Variants in AMBRA1 observed in about 807,000 individuals in gnomAD.
AMBRA1 encodes the protein activating molecule in BECN1-regulated autophagy protein 1.
In AMBRA1, 47 loss-of-function variants were observed where a neutral mutation model predicts 125.4. The observed-to-expected ratio is 0.37, with a 90% CI of 0.30 to 0.48. The LOEUF (loss-of-function observed/expected upper bound fraction) is 0.48, where lower values mean the gene tolerates loss of function less well. AMBRA1 is among the 20% of genes least tolerant of loss of function. The pLI is 0.99. For missense variants in AMBRA1, 1,331 were observed against 1,693.4 expected (o/e 0.79, Z 3.76); for synonymous variants, 626 against 655.5 (o/e 0.95, Z 0.69).
chr11:46,581,083 C>T (rs1195351934), intron 1 of AMBRA1, among the ~76,000 whole-genome samples: 3 of 152,128 alleles, frequency 2.0e-5, no homozygotes, highest in East Asian at 1.9e-4. Flanking sequence ...CATGAGCCAC[C>T]GCGCCCGGCC....
In AMBRA1 at chr11:46,435,964, T is replaced by A. The variant is rs560476796; in HGVS notation, c.2633-927A>T. ...AAGTGGCTTACCCTTGATGTGAGCATAGAACAAGAGTGCCCACATCATGGG... is the reference window on the plus strand; with the variant it reads ...AAGTGGCTTACCCTTGATGTGAGCAAAGAACAAGAGTGCCCACATCATGGG... On this transcript the variant is annotated intron_variant, in intron 12 of 17. Coordinates refer to ENST00000683756, the MANE Select transcript of AMBRA1 (RefSeq NM_001387011.1). Among the ~76,000 whole-genome samples the A allele has an allele frequency of 2.0e-4, 31 of 152,300 alleles. No homozygotes were observed. In the South Asian group the frequency reaches 6.2e-3, roughly 31 times the overall value.
At chr11:46,423,115 G>C (rs11038894) in intron 14 of AMBRA1, among the ~76,000 whole-genome samples, 10,328 of 152,204 alleles carry the variant, frequency 0.068, 1,152 homozygotes, top group African/African-American at 0.24. Context: ...AGAGACAGCT[G>C]ACCTTTCCAT....
chr11:46,494,044 C>G (rs1950550675), intron 10 of AMBRA1, 80 bp downstream of exon 10: 4 of 1,378,866 alleles, frequency 2.9e-6, no homozygotes, highest in South Asian at 2.5e-5. Context: ...GTGGACAATT[C>G]AAAGACCAGA....
chr11:46,423,304 T>C (rs1284338177), intron 14 of AMBRA1, among the ~76,000 whole-genome samples: 2 of 152,228 alleles, frequency 1.3e-5, no homozygotes, highest in Non-Finnish European at 2.9e-5. Flanking sequence ...AAAACTTTAA[T>C]TTCTTTTACT....
chr11:46,545,099 C>G (rs1952939220), intron 5 of AMBRA1, among the ~76,000 whole-genome samples: 1 of 129,978 alleles, frequency 7.7e-6, no homozygotes, highest in African/African-American at 3.0e-5. Context: ...CATGACTGCA[C>G]AACTGTACTC....
At chr11:46,423,754 C>T (rs535662322) in intron 14 of AMBRA1, among the ~76,000 whole-genome samples, 3 of 147,204 alleles carry the variant, frequency 2.0e-5, no homozygotes, top group Admixed American at 1.4e-4. Flanking sequence ...AGGCAGTGCA[C>T]CCATTTTTTT....
At chr11:46,577,998 G>T (rs1591174924) in intron 1 of AMBRA1, among the ~76,000 whole-genome samples, 1 of 152,096 alleles carries the variant, frequency 6.6e-6, no homozygotes, top group East Asian at 1.9e-4. Context: ...GAGTGTGGTG[G>T]TTTGTACCTG....
At chr11:46,552,055 C>T in intron 1 of AMBRA1, among the ~76,000 whole-genome samples, 1 of 148,820 alleles carries the variant, frequency 6.7e-6, no homozygotes, top group Middle Eastern at 3.6e-3. Flanking sequence ...ATTAATTAAT[C>T]AAAAAAATAA....
At chr11:46,517,438 C>A (rs61882720) in intron 7 of AMBRA1, among the ~76,000 whole-genome samples, 20,401 of 147,070 alleles carry the variant, frequency 0.14, 1,510 homozygotes, top group Non-Finnish European at 0.17. Context: ...CGTAAGCCAC[C>A]GCGCCCGGCT....
In AMBRA1 at chr11:46,459,739, TACAC is replaced by T. The variant is rs56374939; in HGVS notation, c.2522-16145_2522-16142del. On this transcript the variant is annotated intron_variant, in intron 11 of 17. Coordinates refer to ENST00000683756, the MANE Select transcript of AMBRA1 (RefSeq NM_001387011.1). ...CCCAAAAAGAAAAAAAAAATACACA[TACAC>T]ACACACACACACACACACACACACA... Among the ~76,000 whole-genome samples the T allele has an allele frequency of 5.3e-3, 585 of 110,278 alleles. 2 individuals carry two copies. The highest frequency in any genetic ancestry group is 8.8e-3 in the Non-Finnish European group (400 of 45,580). 72.3% of individuals were successfully genotyped at this position (110,278 alleles called of 152,430 possible). A position where few individuals can be genotyped will look rare whatever the true frequency, so the allele number is the denominator to read the frequency against.
At chr11:46,453,647 T>A (rs1186470050) in intron 11 of AMBRA1, among the ~76,000 whole-genome samples, 1 of 152,144 alleles carries the variant, frequency 6.6e-6, no homozygotes, top group East Asian at 1.9e-4. Context: ...ATAGCTGAAA[T>A]AGAGTCTTCA....
chr11:46,419,645 A>G (rs2136656168), intron 14 of AMBRA1, among the ~76,000 whole-genome samples: 1 of 152,322 alleles, frequency 6.6e-6, no homozygotes, highest in South Asian at 2.1e-4. Context: ...TTAATTTATC[A>G]AATATGAACT....
chr11:46,560,884 C>T (rs1223107693), intron 1 of AMBRA1, among the ~76,000 whole-genome samples: 1 of 152,164 alleles, frequency 6.6e-6, no homozygotes, highest in Non-Finnish European at 1.5e-5. Context: ...CTGAAACCAG[C>T]TGCCTCAAAC....
intron 1 of AMBRA1, among the ~76,000 whole-genome samples, chr11:46,580,816 G>C (rs376649753): frequency 1.3e-5 from 2 of 152,270 alleles, no homozygotes; most frequent in East Asian, 1.9e-4. Context: ...TTTGGAGACA[G>C]AGCCTTGCTC....
At chr11:46,440,313 G>A (rs150243113) in intron 12 of AMBRA1, among the ~76,000 whole-genome samples, 43 of 152,228 alleles carry the variant, frequency 2.8e-4, no homozygotes, top group African/African-American at 1.0e-3. Flanking sequence ...AAAGAAAAAG[G>A]GCAGGAAGTA....
At chr11:46,590,448 AG>A (rs1242652078) in intron 1 of AMBRA1, among the ~76,000 whole-genome samples, 1 of 152,052 alleles carries the variant, frequency 6.6e-6, no homozygotes, top group Non-Finnish European at 1.5e-5. Flanking sequence ...TGAGCAACAT[AG>A]GGAGACCTCA....
At chr11:46,517,906 A>C (rs1295833826) in intron 7 of AMBRA1, among the ~76,000 whole-genome samples, 1 of 152,018 alleles carries the variant, frequency 6.6e-6, no homozygotes, top group Non-Finnish European at 1.5e-5. Context: ...AAGCATATAA[A>C]AGTATACCCA....
intron 1 of AMBRA1, among the ~76,000 whole-genome samples, chr11:46,581,363 C>T (rs1210746529): frequency 6.6e-6 from 1 of 151,976 alleles, no homozygotes; most frequent in Non-Finnish European, 1.5e-5. Flanking sequence ...AATCCCAGCA[C>T]TTTGGGAGGC....
At position 46,553,867 on chromosome 11, in the gene AMBRA1, C is replaced by T. The variant is rs546502877; in HGVS notation, c.-120-5367G>A. Among the ~76,000 whole-genome samples, 3 of 152,276 alleles carry T rather than the reference C, an allele frequency of 2.0e-5. No individual in the cohort carries two copies. The East Asian group carries it at 5.8e-4, about 29-fold the overall frequency. On this transcript the variant is annotated intron_variant, in intron 1 of 17. Coordinates refer to ENST00000683756, the MANE Select transcript of AMBRA1 (RefSeq NM_001387011.1). ...GCCTGTATCCTCATGATACAGCTCT[C>T]ATCACTTATTAGTGCATAAATATGT...
Sources: gnomAD v4.1 joint callset for allele counts (sites outside exome capture counted in the v4.1 genomes callset) on GRCh38, gnomAD v4.1.1 for gene constraint, MANE v1.5 for transcripts, NCBI Gene and HGNC (gene_info 2026-07-23, HGNC 2026-07-21) for gene names.